The following NAV2 variants were observed in gnomAD, a reference collection of about 807,000 sequenced individuals.
The protein encoded by NAV2 is helicase, APC down-regulated 1.
Under a neutral mutation model 223.2 loss-of-function variants are expected in NAV2, and 54 were observed. That is an observed-to-expected ratio of 0.24 (90% CI 0.19 to 0.30). NAV2 has a LOEUF of 0.30. Ranked by LOEUF, NAV2 falls within the 10% of genes least tolerant of loss-of-function variation. The probability of loss-of-function intolerance (pLI) is 1.00; values close to 1 mark genes in which losing one functional copy is unlikely to be tolerated. For missense variants in NAV2, 2,806 were observed against 3,147.5 expected (o/e 0.89, Z 2.60); for synonymous variants, 1,279 against 1,239.3 (o/e 1.03, Z -0.67).
chr11:19,994,493 C>T (rs1040595087), intron 11 of NAV2, among the ~76,000 whole-genome samples: 8 of 151,538 alleles, frequency 5.3e-5, no homozygotes, highest in Non-Finnish European at 8.8e-5. Context: ...TTGCAGTGAG[C>T]CCAGATCACG....
At chr11:19,813,762 C>T (rs780691159) in intron 1 of NAV2, among the ~76,000 whole-genome samples, 3 of 152,130 alleles carry the variant, frequency 2.0e-5, no homozygotes, top group Middle Eastern at 3.2e-3. Flanking sequence ...CTGAGGACTG[C>T]GCTGCTGCTG....
chr11:19,652,940 T>C (rs1016263553), intron 1 of NAV2, among the ~76,000 whole-genome samples: 1 of 152,208 alleles, frequency 6.6e-6, no homozygotes, highest in African/African-American at 2.4e-5. Context: ...TGATGGGTGT[T>C]AAGGTTATCT....
intron 1 of NAV2, among the ~76,000 whole-genome samples, chr11:19,743,032 G>A (rs2052992318): frequency 6.6e-6 from 1 of 152,216 alleles, no homozygotes; most frequent in African/African-American, 2.4e-5. Flanking sequence ...ATTAGAGAAG[G>A]AAGAACAGTG....
intron 1 of NAV2, among the ~76,000 whole-genome samples, chr11:19,793,715 A>G (rs554495614): frequency 3.9e-5 from 6 of 152,218 alleles, no homozygotes; most frequent in African/African-American, 1.4e-4. Flanking sequence ...TGGCTACTCA[A>G]GGAAACAGAA....
intron 1 of NAV2, among the ~76,000 whole-genome samples, chr11:19,359,333 C>T (rs1214936998): frequency 6.6e-6 from 1 of 152,198 alleles, no homozygotes; most frequent in Non-Finnish European, 1.5e-5. Context: ...CTGTCACCCC[C>T]ACTGTAGAGA....
intron 1 of NAV2, among the ~76,000 whole-genome samples, chr11:19,535,405 TGACC>T (rs942070009): frequency 2.0e-5 from 3 of 152,154 alleles, no homozygotes; most frequent in Admixed American, 6.5e-5. Context: ...CAGCTCAGCC[TGACC>T]TGGGTTCACT....
chr11:20,080,170 C>T lies in NAV2; in HGVS notation c.5286C>T (p.Asn1762=), dbSNP rs2060001632. The change falls in exon 25 of 38, where the codon AAC becomes AAT. Residue 1762 remains asparagine (N), a synonymous_variant. Transcript: ENST00000349880. The stretch of plus-strand genomic sequence containing the variant: ...CCAGCCACTCCAGCGTGGGCAGCAA[C>T]ATAGAGAGTGACTCAAAGAAGAAGA... The part of the protein sequence containing the change: ...SATSHSSVGS[N]IESDSKKKKR... The T allele has an allele frequency of 1.2e-6, 2 of 1,613,876 alleles. No individual in the cohort carries two copies. Among genetic ancestry groups the T allele is most frequent in the Non-Finnish European group, 1.7e-6 (2 of 1,179,920 alleles).
intron 1 of NAV2, among the ~76,000 whole-genome samples, chr11:19,668,260 G>T (rs2135782413): frequency 6.6e-6 from 1 of 152,302 alleles, no homozygotes; most frequent in African/African-American, 2.4e-5. Context: ...CCCTAAGGCT[G>T]GGCATGGTGG....
intron 1 of NAV2, among the ~76,000 whole-genome samples, chr11:19,632,370 T>C (rs184016465): frequency 6.6e-6 from 1 of 152,356 alleles, no homozygotes; most frequent in Non-Finnish European, 1.5e-5. Flanking sequence ...TATGCTTCCA[T>C]ACATATTTAT....
At chr11:20,000,588 C>T (rs968682395) in intron 11 of NAV2, among the ~76,000 whole-genome samples, 2 of 152,062 alleles carry the variant, frequency 1.3e-5, no homozygotes, top group African/African-American at 2.4e-5. Context: ...CAGAGGGCTG[C>T]GTTCTTAATG....
chr11:19,568,335 C>T (rs1387940905), intron 1 of NAV2, among the ~76,000 whole-genome samples: 1 of 152,052 alleles, frequency 6.6e-6, no homozygotes. Context: ...GTACTGAGAC[C>T]CTGAGAGAGG....
rs962113865 is a variant in NAV2 at position 19,548,107 on chromosome 11, G to A, written c.75+197080G>A. On this transcript the variant is annotated intron_variant, in intron 1 of 37. Coordinates refer to the NAV2 transcript ENST00000360655. ...CTTTCCTCCTTAAATATCTTAGTTC[G>A]TAGGATAGGTTTAGCAATGATGTCT... Among the ~76,000 whole-genome samples the A allele has an allele frequency of 9.9e-5, 15 of 152,186 alleles. No individual in the cohort carries two copies. In the East Asian group the frequency reaches 1.7e-3, roughly 18 times the overall value.
intron 9 of NAV2, among the ~76,000 whole-genome samples, chr11:19,947,788 C>T (rs974350320): frequency 6.6e-6 from 1 of 152,194 alleles, no homozygotes; most frequent in Non-Finnish European, 1.5e-5. Flanking sequence ...CAAGCCCAGG[C>T]ATTTACCAAT....
intron 1 of NAV2, among the ~76,000 whole-genome samples, chr11:19,656,633 G>GC (rs1337419989): frequency 6.6e-6 from 1 of 152,170 alleles, no homozygotes; most frequent in Admixed American, 6.5e-5. Context: ...AAGAGTGGAG[G>GC]CAGGGGGACT....
At chr11:19,449,046 T>C (rs775783984) in intron 1 of NAV2, among the ~76,000 whole-genome samples, 29 of 152,180 alleles carry the variant, frequency 1.9e-4, no homozygotes, top group Non-Finnish European at 7.4e-5. Flanking sequence ...CTATGGATTA[T>C]TAAATTCACT....
chr11:19,378,569 G>C (rs1429019277), intron 1 of NAV2, among the ~76,000 whole-genome samples: 1 of 146,486 alleles, frequency 6.8e-6, no homozygotes, highest in African/African-American at 2.5e-5. Flanking sequence ...CGTGATAACA[G>C]CATCTCCTTC....
At chr11:19,524,924 T>C (rs2632063) in intron 1 of NAV2, among the ~76,000 whole-genome samples, 9,732 of 152,204 alleles carry the variant, frequency 0.064, 1,037 homozygotes, top group African/African-American at 0.22. Flanking sequence ...GCATATAAGA[T>C]CAGTGTTGTG....
In NAV2 at chr11:19,690,148, G is replaced by A. The variant is rs56975453; in HGVS notation, c.76-142336G>A. Among the ~76,000 whole-genome samples the A allele has an allele frequency of 0.012, 1,760 of 152,130 alleles. 99 individuals carry two copies. In the East Asian group the frequency reaches 0.17, roughly 14 times the overall value. The stretch of plus-strand genomic sequence containing the variant: ...CGGCTAATTTTGTATTTTTAGTAGA[G>A]GTGGGGTTTCACCATGTTGGTCAGG... On this transcript the variant is annotated intron_variant, in intron 1 of 37. Coordinates refer to the NAV2 transcript ENST00000360655.
chr11:19,975,125 C>G (rs2049596064), intron 10 of NAV2, among the ~76,000 whole-genome samples: 1 of 152,136 alleles, frequency 6.6e-6, no homozygotes, highest in Non-Finnish European at 1.5e-5. Context: ...AGAAGGTGGA[C>G]AAAAAGCTTC....
Sources: gnomAD v4.1 joint callset for allele counts (sites outside exome capture counted in the v4.1 genomes callset) on GRCh38, gnomAD v4.1.1 for gene constraint, MANE v1.5 for transcripts, NCBI Gene and HGNC (gene_info 2026-07-23, HGNC 2026-07-21) for gene names.